FMN1: variants seen among roughly 807,000 people sequenced by gnomAD.
FMN1 encodes the protein formin-1.
Under a neutral mutation model 132.4 loss-of-function variants are expected in FMN1, and 110 were observed. That is an observed-to-expected ratio of 0.83 (90% CI 0.71 to 0.97). The LOEUF (loss-of-function observed/expected upper bound fraction) is 0.97, where lower values mean the gene tolerates loss of function less well. FMN1 is among the 50% of genes least tolerant of loss of function. The pLI is 0.00. For missense variants in FMN1, 1,792 were observed against 1,705.3 expected (o/e 1.05, Z -0.90); for synonymous variants, 722 against 651.7 (o/e 1.11, Z -1.64).
At chr15:33,058,824 A>G (rs1483487915) in intron 6 of FMN1, among the ~76,000 whole-genome samples, 1 of 152,254 alleles carries the variant, frequency 6.6e-6, no homozygotes, top group African/African-American at 2.4e-5. Flanking sequence ...GTTTTGATAC[A>G]GGCATACCAT....
intron 2 of FMN1, among the ~76,000 whole-genome samples, chr15:33,187,857 A>C (rs1239479888): frequency 6.6e-6 from 1 of 152,150 alleles, no homozygotes; most frequent in African/African-American, 2.4e-5. Flanking sequence ...TAAAGAGATA[A>C]TTTTCATATA....
At position 33,114,221 on chromosome 15, in the gene FMN1, G is replaced by A. The variant is rs117549484; in HGVS notation, c.1868-25247C>T. ...ACAGGAGGCACCACATGGCCTCCTA[G>A]GCCAGGCCTATGGGTTATTATTTCT... On this transcript the variant is annotated intron_variant, in intron 4 of 20. Transcript: ENST00000616417. Among the ~76,000 whole-genome samples the A allele has an allele frequency of 4.1e-4, 62 of 152,288 alleles. 1 individual carries two copies. In the East Asian group the frequency reaches 8.7e-3, roughly 21 times the overall value.
intron 6 of FMN1, among the ~76,000 whole-genome samples, chr15:33,034,020 GTTC>G (rs991151857): frequency 1.3e-5 from 2 of 152,020 alleles, no homozygotes; most frequent in Non-Finnish European, 2.9e-5. Flanking sequence ...GTCAGTCCTG[GTTC>G]TTCTTCTCCT....
chr15:32,804,672 C>T (rs2057611369), intron 17 of FMN1, among the ~76,000 whole-genome samples: 1 of 147,904 alleles, frequency 6.8e-6, no homozygotes, highest in Non-Finnish European at 1.5e-5. Context: ...CCCCCCACCC[C>T]CCAACAGGCC....
At chr15:33,053,806 A>G (rs748473751) in intron 6 of FMN1, among the ~76,000 whole-genome samples, 20 of 152,224 alleles carry the variant, frequency 1.3e-4, no homozygotes, top group Non-Finnish European at 2.5e-4. Flanking sequence ...GAGCTGAGGC[A>G]TGCTACTTTT....
chr15:33,043,732 G>A (rs550402603), intron 6 of FMN1, among the ~76,000 whole-genome samples: 301 of 152,344 alleles, frequency 2.0e-3, no homozygotes, highest in Middle Eastern at 0.014. Context: ...GGCATGGCCA[G>A]GGCTACATGC....
intron 2 of FMN1, among the ~76,000 whole-genome samples, chr15:33,188,375 T>C (rs555779849): frequency 6.6e-5 from 10 of 152,094 alleles, no homozygotes; most frequent in Non-Finnish European, 1.2e-4. Context: ...TTTCAAATCC[T>C]CTTGTTATTC....
intron 15 of FMN1, 75 bp from the exon 16 acceptor site, chr15:32,888,367 G>T: frequency 2.2e-6 from 3 of 1,335,912 alleles, no homozygotes; most frequent in South Asian, 3.3e-5. Context: ...AAGCATCAAT[G>T]AGAAAAAAAA....
chr15:32,911,785 C>T (rs1264312484), intron 10 of FMN1, among the ~76,000 whole-genome samples: 1 of 151,874 alleles, frequency 6.6e-6, no homozygotes, highest in African/African-American at 2.4e-5. Context: ...AGTAAGTCAC[C>T]TCAGATTCCA....
intron 14 of FMN1, 176 bp downstream of exon 14, chr15:32,899,802 CA>C: frequency 3.3e-6 from 2 of 597,086 alleles, no homozygotes; most frequent in African/African-American, 4.2e-5. Context: ...AAAAACCAAA[CA>C]AAACTCTTTA....
At chr15:32,875,891 G>A (rs2059625450) in intron 16 of FMN1, among the ~76,000 whole-genome samples, 1 of 152,172 alleles carries the variant, frequency 6.6e-6, no homozygotes. Flanking sequence ...CGCTGGCTTG[G>A]CAGTCAAGGA....
At chr15:32,958,154 T>C (rs2030045683) in intron 9 of FMN1, among the ~76,000 whole-genome samples, 1 of 152,190 alleles carries the variant, frequency 6.6e-6, no homozygotes, top group African/African-American at 2.4e-5. Context: ...TGGCTTCCTA[T>C]TGGAAGACTC....
chr15:32,913,022 G>T (rs746424198), intron 10 of FMN1, among the ~76,000 whole-genome samples: 4 of 152,168 alleles, frequency 2.6e-5, no homozygotes, highest in African/African-American at 4.8e-5. Context: ...CATCTGGAAA[G>T]AGTTAGAGAA....
At chr15:32,949,313 C>G (rs1163912941) in intron 9 of FMN1, among the ~76,000 whole-genome samples, 23 of 152,126 alleles carry the variant, frequency 1.5e-4, no homozygotes, top group Non-Finnish European at 2.4e-4. Context: ...CTACAGTAAC[C>G]AAAAGAGCAT....
At chr15:32,935,399 G>A (rs1478099342) in intron 9 of FMN1, among the ~76,000 whole-genome samples, 3 of 151,938 alleles carry the variant, frequency 2.0e-5, no homozygotes, top group African/African-American at 7.3e-5. Context: ...TCTCTTTTTT[G>A]TCTTTAACTT....
chr15:33,077,996 T>A (rs1024025466), intron 5 of FMN1, among the ~76,000 whole-genome samples: 1 of 152,030 alleles, frequency 6.6e-6, no homozygotes. Flanking sequence ...CAACAGGTGC[T>A]GGAGAGGATG....
chr15:33,121,115 T>C (rs1238695305), intron 4 of FMN1, among the ~76,000 whole-genome samples: 2 of 132,956 alleles, frequency 1.5e-5, no homozygotes, highest in Non-Finnish European at 3.5e-5. Flanking sequence ...GTAACAAGAG[T>C]ATACAATACC....
intron 17 of FMN1, among the ~76,000 whole-genome samples, chr15:32,829,485 T>C (rs1457139407): frequency 6.6e-6 from 1 of 152,158 alleles, no homozygotes; most frequent in Admixed American, 6.5e-5. Context: ...ACATTAAAAT[T>C]AATATTAAGG....
At chr15:33,127,830 G>GA (rs1284479563) in intron 4 of FMN1, among the ~76,000 whole-genome samples, 1 of 152,180 alleles carries the variant, frequency 6.6e-6, no homozygotes, top group East Asian at 1.9e-4. Context: ...CAGTCTCCCT[G>GA]AAAAATTCTG....
Sources: gnomAD v4.1 joint callset for allele counts (sites outside exome capture counted in the v4.1 genomes callset) on GRCh38, gnomAD v4.1.1 for gene constraint, MANE v1.5 for transcripts, NCBI Gene and HGNC (gene_info 2026-07-23, HGNC 2026-07-21) for gene names.